The following ICE1 variants were observed in gnomAD, a reference collection of about 807,000 sequenced individuals.
The protein encoded by ICE1 is interactor of little elongation complex ELL subunit 1, also known as little elongation complex subunit 1.
In ICE1, 64 loss-of-function variants were observed where a neutral mutation model predicts 192.7. The ratio of observed to expected loss-of-function variants is 0.33; its 90% CI spans 0.27 to 0.41. The LOEUF (loss-of-function observed/expected upper bound fraction) is 0.41, where lower values mean the gene tolerates loss of function less well. ICE1 is among the 10% of genes least tolerant of loss of function. ICE1 has a pLI of 1.00. For synonymous variants in ICE1, 1,010 were observed against 984.5 expected (o/e 1.03, Z -0.49); for missense variants, 2,708 against 2,696.0 (o/e 1.00, Z -0.10).
intron 1 of ICE1, among the ~76,000 whole-genome samples, chr5:5,427,121 A>T (rs1737545820): frequency 6.6e-6 from 1 of 152,222 alleles, no homozygotes; most frequent in African/African-American, 2.4e-5. Context: ...AAGAGATAAC[A>T]GTACCTTTGC....
chr5:5,461,836 G>A lies in ICE1; in HGVS notation c.2502G>A (p.Lys834=), dbSNP rs764927876. 8 of 1,613,984 alleles carry A rather than the reference G, an allele frequency of 5.0e-6. No homozygotes were observed. In the East Asian group the frequency reaches 1.8e-4, roughly 36 times the overall value. ...PFLQNRGPTP[K]PDLLRENNNP... is the part of the protein sequence containing the mutation. ...TACAAAATAGAGGACCAACACCCAA[G>A]CCTGATCTTCTTAGAGAAAATAACA... is the stretch of plus-strand genomic sequence containing the variant. Residue 834 remains lysine, a synonymous_variant, in exon 13 of 19, where the codon AAG becomes AAA. Transcript: ENST00000296564.
intron 12 of ICE1, 131 bp from the exon 13 acceptor site, chr5:5,460,305 C>T (rs910250235): frequency 2.1e-5 from 14 of 682,834 alleles, no homozygotes; most frequent in Non-Finnish European, 2.9e-5. Flanking sequence ...AGATTCCTAG[C>T]CTGCCCCTGC....
intron 15 of ICE1, among the ~76,000 whole-genome samples, chr5:5,470,429 A>G (rs1001178275): frequency 4.6e-5 from 7 of 152,266 alleles, no homozygotes; most frequent in African/African-American, 1.7e-4. Context: ...TATGAAGAAC[A>G]TAACATTTTA....
intron 17 of ICE1, among the ~76,000 whole-genome samples, chr5:5,480,911 G>T (rs766741876): frequency 3.3e-5 from 5 of 152,200 alleles, no homozygotes; most frequent in Non-Finnish European, 7.3e-5. Flanking sequence ...CAGAGGCACA[G>T]AAGTGGAAAT....
intron 7 of ICE1, 21 bp from the exon 8 acceptor site, chr5:5,447,406 A>T (rs576434215): frequency 2.0e-6 from 3 of 1,496,460 alleles, no homozygotes; most frequent in East Asian, 2.5e-5. Context: ...TTCTCTCCCT[A>T]TTGCTTCATT....
intron 11 of ICE1, 42 bp from the exon 12 acceptor site, chr5:5,457,288 TGA>T (rs1302313892): frequency 6.8e-7 from 1 of 1,480,632 alleles, no homozygotes; most frequent in Non-Finnish European, 9.0e-7. Flanking sequence ...TAAGTTTTCT[TGA>T]TATTGTAAAT....
chr5:5,440,795 G>A (rs1308282792), intron 4 of ICE1, among the ~76,000 whole-genome samples: 2 of 151,998 alleles, frequency 1.3e-5, no homozygotes. Context: ...GCTGAGGCAG[G>A]AAGATCACTT....
At chr5:5,458,344 G>A (rs1738648111) in intron 12 of ICE1, among the ~76,000 whole-genome samples, 1 of 152,152 alleles carries the variant, frequency 6.6e-6, no homozygotes, top group African/African-American at 2.4e-5. Context: ...TAGACACTGG[G>A]TGTGCAGAGG....
chr5:5,447,788 A>G, intron 9 of ICE1, 28 bp downstream of exon 9: 1 of 1,573,646 alleles, frequency 6.4e-7, no homozygotes, highest in African/African-American at 1.3e-5. Flanking sequence ...GCTTACATAA[A>G]TTTATTTTTG....
chr5:5,475,097 C>T (rs1032505932), intron 16 of ICE1, among the ~76,000 whole-genome samples: 3 of 152,182 alleles, frequency 2.0e-5, no homozygotes, highest in African/African-American at 7.2e-5. Context: ...CTCATGGGAA[C>T]CCATGAGGCA....
chr5:5,489,078 A>AG (rs1220860648), intron 18 of ICE1, 71 bp from the exon 19 acceptor site: 2 of 1,254,762 alleles, frequency 1.6e-6, no homozygotes, highest in African/African-American at 3.0e-5. Flanking sequence ...GTATTCCAGT[A>AG]GGTTACATCA....
At chr5:5,474,054 C>A (rs1739242719) in intron 16 of ICE1, among the ~76,000 whole-genome samples, 1 of 151,732 alleles carries the variant, frequency 6.6e-6, no homozygotes, top group Admixed American at 6.6e-5. Context: ...ACTAAAAATA[C>A]AAAAAATTAG....
chr5:5,428,947 C>T (rs1737612956), intron 1 of ICE1, among the ~76,000 whole-genome samples: 1 of 152,142 alleles, frequency 6.6e-6, no homozygotes, highest in East Asian at 1.9e-4. Flanking sequence ...TGCTCATGTT[C>T]AGTACTCATA....
chr5:5,463,359 C>T lies in ICE1; in HGVS notation c.4025C>T (p.Pro1342Leu), dbSNP rs1414247979. Reference protein sequence around the residue: ...PISGMPQNENPQSRPEARSDA... With the variant: ...PISGMPQNENLQSRPEARSDA... ...AGCGGTATGCCTCAGAATGAAAACCCTCAGAGCAGACCAGAGGCCCGTTCA... is the reference window on the plus strand; with the variant it reads ...AGCGGTATGCCTCAGAATGAAAACCTTCAGAGCAGACCAGAGGCCCGTTCA... The change falls in exon 13 of 19, where the codon CCT becomes CTT. Residue 1342 changes from proline (P) to leucine (L), a missense_variant. Around this residue, in one of 2 missense-constraint regions of ICE1, gnomAD observed 2,366 missense variants for 2,276.6 expected, o/e 1.04. Transcript: ENST00000296564. 2 of 1,613,722 alleles carry T rather than the reference C, an allele frequency of 1.2e-6. No individual in the cohort carries two copies. Among genetic ancestry groups the T allele is most frequent in the Admixed American group, 3.3e-5 (2 of 59,986 alleles).
At chr5:5,424,673 G>C (rs1737470933) in intron 1 of ICE1, among the ~76,000 whole-genome samples, 1 of 152,176 alleles carries the variant, frequency 6.6e-6, no homozygotes, top group Non-Finnish European at 1.5e-5. Context: ...TGAGGACTAG[G>C]CCAGTGGCTG....
rs760382600 is a variant in ICE1, at chr5:5,443,261, T to G, written c.386+17T>G. The G allele has an allele frequency of 1.6e-5, 21 of 1,325,236 alleles. No individual in the cohort carries two copies. Among genetic ancestry groups the G allele is most frequent in the Non-Finnish European group, 2.1e-5 (21 of 977,164 alleles). The allele number at this position is 1,325,236 out of a possible 1,614,324, so 82.1% of individuals were successfully genotyped here. A position where few individuals can be genotyped will look rare whatever the true frequency, so the allele number is the denominator to read the frequency against. On this transcript the variant is annotated intron_variant, in intron 6 of 18. Coordinates refer to ENST00000296564, the MANE Select transcript of ICE1 (RefSeq NM_015325.3). ...TGATGCTCAGTAAGTAGTTACTAAA[T>G]TACTATAGAAATACGGTTTTCAGTT...
At chr5:5,452,281 GAT>G (rs1178199101) in intron 10 of ICE1, among the ~76,000 whole-genome samples, 4 of 149,276 alleles carry the variant, frequency 2.7e-5, no homozygotes, top group Non-Finnish European at 5.9e-5. Flanking sequence ...TATTTCAGAT[GAT>G]ACTACTAATG....
chr5:5,452,359 A>G (rs1738448739), intron 10 of ICE1, among the ~76,000 whole-genome samples: 1 of 152,060 alleles, frequency 6.6e-6, no homozygotes, highest in African/African-American at 2.4e-5. Context: ...GCTGGCATAT[A>G]CAATGAACAT....
chr5:5,469,167 C>T (rs1431011960), intron 15 of ICE1, among the ~76,000 whole-genome samples, 179 bp downstream of exon 15: 2 of 152,172 alleles, frequency 1.3e-5, no homozygotes, highest in Admixed American at 6.5e-5. Context: ...ATGCATGAGA[C>T]ATTCAAGGAA....
Sources: allele counts gnomAD v4.1 joint callset (sites outside exome capture counted in the v4.1 genomes callset), GRCh38; gene constraint gnomAD v4.1.1; regional missense constraint gnomAD v4.1.1; transcripts MANE v1.5; gene names NCBI Gene and HGNC (gene_info 2026-07-23, HGNC 2026-07-21).